CCNJL: variants seen among roughly 807,000 people sequenced by gnomAD.
The protein encoded by CCNJL is cyclin J like, also known as cyclin-J-like protein.
In CCNJL, 33 loss-of-function variants were observed where a neutral mutation model predicts 33.4. That is an observed-to-expected ratio of 0.99 (90% confidence interval 0.75 to 1.32). CCNJL has a LOEUF of 1.32. Among genes scored for constraint, CCNJL ranks in the 40% most tolerant of loss-of-function variants. The pLI, the probability that CCNJL is intolerant of heterozygous loss-of-function variation, is 0.00. For synonymous variants in CCNJL, 227 were observed against 220.9 expected (o/e 1.03, Z -0.24); for missense variants, 512 against 499.7 (o/e 1.02, Z -0.23).
intron 1 of CCNJL, among the ~76,000 whole-genome samples, chr5:160,335,950 G>A (rs1038635199): frequency 6.6e-6 from 1 of 152,024 alleles, no homozygotes; most frequent in Non-Finnish European, 1.5e-5. Context: ...TTCTAGCTCT[G>A]TAGCAACCAC....
intron 2 of CCNJL, among the ~76,000 whole-genome samples, chr5:160,297,539 G>A (rs1327332886): frequency 6.6e-6 from 1 of 151,776 alleles, no homozygotes; most frequent in Non-Finnish European, 1.5e-5. Flanking sequence ...CCATGGCTGG[G>A]TGCAGTGGTT....
chr5:160,324,099 T>C (rs1219940022), intron 1 of CCNJL, among the ~76,000 whole-genome samples: 1 of 152,182 alleles, frequency 6.6e-6, no homozygotes, highest in East Asian at 1.9e-4. Flanking sequence ...TTATAATCCA[T>C]CAGTCCATTC....
chr5:160,327,922 G>A (rs1763560340), intron 1 of CCNJL, among the ~76,000 whole-genome samples: 1 of 152,182 alleles, frequency 6.6e-6, no homozygotes, highest in Non-Finnish European at 1.5e-5. Flanking sequence ...GCCATGCAGA[G>A]AATGAAAACA....
chr5:160,257,032 C>A (rs937413228), intron 4 of CCNJL, among the ~76,000 whole-genome samples: 52 of 147,834 alleles, frequency 3.5e-4, no homozygotes, highest in African/African-American at 1.4e-3. Context: ...AAGTATCAGT[C>A]AGGGTGCTAA....
At chr5:160,284,201 A>C (rs1365116024) in intron 2 of CCNJL, among the ~76,000 whole-genome samples, 2 of 151,952 alleles carry the variant, frequency 1.3e-5, no homozygotes, top group Non-Finnish European at 2.9e-5. Flanking sequence ...AAGATGAAAA[A>C]ATTAGCCTGT....
intron 1 of CCNJL, among the ~76,000 whole-genome samples, chr5:160,338,226 G>A (rs944253896): frequency 8.1e-6 from 1 of 123,386 alleles, no homozygotes; most frequent in Non-Finnish European, 1.8e-5. Flanking sequence ...GTGAAACCCC[G>A]TCTCTACAAA....
chr5:160,294,889 C>T (rs1762703306), intron 2 of CCNJL: 1 of 152,340 alleles, frequency 6.6e-6, no homozygotes, highest in African/African-American at 2.4e-5. Flanking sequence ...GGCTCCAAAG[C>T]TCTTCCCTCC....
intron 2 of CCNJL, among the ~76,000 whole-genome samples, chr5:160,281,971 T>C (rs1222217723): frequency 6.6e-6 from 1 of 152,192 alleles, no homozygotes; most frequent in East Asian, 1.9e-4. Context: ...ACTACTTGTT[T>C]AGGAAATGTC....
intron 3 of CCNJL, among the ~76,000 whole-genome samples, chr5:160,273,179 C>T (rs1325276550): frequency 6.6e-6 from 1 of 152,194 alleles, no homozygotes; most frequent in Non-Finnish European, 1.5e-5. Flanking sequence ...TGAACCACTG[C>T]TCCTAGGGGA....
chr5:160,322,647 C>A (rs1220334652), intron 1 of CCNJL, among the ~76,000 whole-genome samples: 24 of 150,512 alleles, frequency 1.6e-4, no homozygotes, highest in East Asian at 1.6e-3. Flanking sequence ...GTGGCTCACG[C>A]CTGTAATCCC....
chr5:160,333,663 G>A (rs1196352688), intron 1 of CCNJL, among the ~76,000 whole-genome samples: 1 of 151,628 alleles, frequency 6.6e-6, no homozygotes, highest in Admixed American at 6.6e-5. Flanking sequence ...ATCCCCTTAG[G>A]TGGAGTTGTT....
chr5:160,293,035 ACT>A (rs748492997), intron 2 of CCNJL, among the ~76,000 whole-genome samples: 13 of 152,232 alleles, frequency 8.5e-5, no homozygotes, highest in Non-Finnish European at 1.2e-4. Flanking sequence ...GGGTCTTCTG[ACT>A]CTACTGTTTT....
intron 2 of CCNJL, among the ~76,000 whole-genome samples, chr5:160,288,618 C>A (rs1008238785): frequency 5.3e-5 from 8 of 151,974 alleles, no homozygotes; most frequent in African/African-American, 1.7e-4. Context: ...CGCCTGTAAT[C>A]CCAGCACTTT....
intron 1 of CCNJL, among the ~76,000 whole-genome samples, chr5:160,321,617 T>C (rs1035241011): frequency 2.6e-5 from 4 of 152,326 alleles, no homozygotes; most frequent in East Asian, 3.9e-4. Context: ...ATCATTCTCC[T>C]TGTACCACTA....
At chr5:160,299,296 C>T in intron 2 of CCNJL, among the ~76,000 whole-genome samples, 1 of 152,070 alleles carries the variant, frequency 6.6e-6, no homozygotes, top group South Asian at 2.1e-4. Context: ...ATTACACGTG[C>T]CTGCCAACAG....
At chr5:160,338,911 C>T (rs10476324) in intron 1 of CCNJL, among the ~76,000 whole-genome samples, 2,098 of 152,238 alleles carry the variant, frequency 0.014, 52 homozygotes, top group African/African-American at 0.048. Context: ...CTGCCTCAGC[C>T]TCCTGAGCAG....
intron 2 of CCNJL, among the ~76,000 whole-genome samples, chr5:160,303,638 T>C (rs1206629907): frequency 1.3e-5 from 2 of 152,088 alleles, no homozygotes; most frequent in Non-Finnish European, 2.9e-5. Flanking sequence ...TGAGGGGAAT[T>C]TTACTTTCTT....
chr5:160,339,273 G>T (rs13355528), intron 1 of CCNJL, among the ~76,000 whole-genome samples: 1 of 40,720 alleles, frequency 2.5e-5, no homozygotes, highest in Non-Finnish European at 6.3e-5. Flanking sequence ...ATATATATAT[G>T]TATGGTATAA....
upstream of CCNJL, chr5:160,315,456 G>A (rs759381665): frequency 1.6e-5 from 7 of 448,626 alleles, no homozygotes; most frequent in South Asian, 1.1e-4. Context: ...GCAGTGAGCC[G>A]TGATTGTGCC....
Sources: allele counts gnomAD v4.1 joint callset (sites outside exome capture counted in the v4.1 genomes callset), GRCh38; gene constraint gnomAD v4.1.1; transcripts MANE v1.5; gene names NCBI Gene and HGNC (gene_info 2026-07-23, HGNC 2026-07-21).